MAP3K1: variants seen among roughly 807,000 people sequenced by gnomAD.
MAP3K1 encodes mitogen-activated protein kinase kinase kinase 1.
A neutral mutation model predicts 144.2 loss-of-function variants in MAP3K1; 36 were observed. The ratio of observed to expected loss-of-function variants is 0.25; its 90% CI spans 0.19 to 0.33. The LOEUF (loss-of-function observed/expected upper bound fraction) is 0.33, where lower values mean the gene tolerates loss of function less well. MAP3K1 is among the 10% of genes least tolerant of loss of function. The pLI is 1.00. For synonymous variants in MAP3K1, 718 were observed against 688.7 expected (o/e 1.04, Z -0.67); for missense variants, 1,650 against 1,881.9 (o/e 0.88, Z 2.28).
intron 1 of MAP3K1, among the ~76,000 whole-genome samples, chr5:56,829,589 G>T (rs760592422): frequency 2.6e-4 from 39 of 152,188 alleles, no homozygotes; most frequent in Non-Finnish European, 4.9e-4. Flanking sequence ...ATTCCTGGTA[G>T]TAAAGAATGC....
chr5:56,882,804 C>A lies in MAP3K1; in HGVS notation c.3604C>A (p.Leu1202Ile). Residue 1202 changes from leucine to isoleucine, a missense_variant, in exon 14 of 20, where the codon CTC becomes ATC. Transcript: ENST00000399503. ...GGCAATGTCAGCGTCTCAGGATGCC[C>A]TCCCCATAGTTCCTCAGCTGCAGGT... ...AMAMSASQDA[L>I]PIVPQLQVEN... 6.2e-7 allele frequency: 1 copy of A among 1,612,040 alleles called. No homozygotes were observed. Among genetic ancestry groups the A allele is most frequent in the Non-Finnish European group, 8.5e-7 (1 of 1,179,336 alleles).
intron 1 of MAP3K1, among the ~76,000 whole-genome samples, chr5:56,828,929 C>T (rs889949065): frequency 6.6e-6 from 1 of 151,902 alleles, no homozygotes; most frequent in African/African-American, 2.4e-5. Flanking sequence ...AATCATATTG[C>T]TTCCTAATTG....
chr5:56,887,322 A>G (rs1748407330), intron 17 of MAP3K1, 56 bp from the exon 18 acceptor site: 1 of 1,584,008 alleles, frequency 6.3e-7, no homozygotes, highest in Admixed American at 1.7e-5. Context: ...CTGGGCTTTT[A>G]TCTGTCCTTA....
At chr5:56,877,140 C>T (rs1748056710) in intron 10 of MAP3K1, among the ~76,000 whole-genome samples, 1 of 152,188 alleles carries the variant, frequency 6.6e-6, no homozygotes. Context: ...CATGTAGCAT[C>T]TGGAGGGACC....
At chr5:56,872,141 A>T (rs1747872154) in intron 7 of MAP3K1, 110 bp downstream of exon 7, 2 of 1,418,034 alleles carry the variant, frequency 1.4e-6, no homozygotes, top group Admixed American at 3.6e-5. Flanking sequence ...AGAGAATAAA[A>T]AAAGTATATC....
rs373704251 is a variant in MAP3K1 at position 56,823,195 on chromosome 5, C to T, written c.482+7140C>T. Among the ~76,000 whole-genome samples the T allele has an allele frequency of 2.6e-4, 40 of 152,286 alleles. No homozygotes were observed. The East Asian group carries it at 6.7e-3, about 26-fold the overall frequency. On this transcript the variant is annotated intron_variant, in intron 1 of 19. Transcript: ENST00000399503. ...TTAACATGCCTGACCGAGTCCCTGC[C>T]CGGTTGGGCCCCTGTCTGCTTCTCC... is the stretch of plus-strand genomic sequence containing the variant.
intron 1 of MAP3K1, among the ~76,000 whole-genome samples, chr5:56,852,810 C>A (rs1321105436): frequency 6.6e-6 from 1 of 152,094 alleles, no homozygotes. Context: ...TCACAGCTAT[C>A]TGTTTAGATT....
intron 17 of MAP3K1, among the ~76,000 whole-genome samples, chr5:56,887,042 C>T (rs975151148): frequency 2.0e-5 from 3 of 152,176 alleles, no homozygotes; most frequent in Admixed American, 6.6e-5. Context: ...AGATTACAGG[C>T]GTCAGCCACC....
chr5:56,833,607 TACA>T (rs1746562110), intron 1 of MAP3K1, among the ~76,000 whole-genome samples: 3 of 152,186 alleles, frequency 2.0e-5, no homozygotes, highest in African/African-American at 4.8e-5. Context: ...CGTGTGTCTT[TACA>T]ACAAGACACA....
intron 1 of MAP3K1, among the ~76,000 whole-genome samples, chr5:56,823,073 G>A (rs1377547883): frequency 6.6e-6 from 1 of 152,196 alleles, no homozygotes; most frequent in Non-Finnish European, 1.5e-5. Context: ...ATTTCCAAAT[G>A]TAAATCTGAT....
intron 1 of MAP3K1, among the ~76,000 whole-genome samples, chr5:56,846,643 T>C (rs991983374): frequency 3.9e-5 from 6 of 152,234 alleles, no homozygotes; most frequent in Admixed American, 1.3e-4. Context: ...TCTGCATGGC[T>C]ATATCTCCAT....
chr5:56,844,646 G>A (rs532531769), intron 1 of MAP3K1, among the ~76,000 whole-genome samples: 4 of 152,156 alleles, frequency 2.6e-5, no homozygotes, highest in East Asian at 1.9e-4. Flanking sequence ...CTCCACCTTC[G>A]CAACTGTTTA....
intron 3 of MAP3K1, 132 bp downstream of exon 3, chr5:56,860,047 G>GGGGGTGGT: frequency 1.2e-6 from 1 of 828,462 alleles, no homozygotes; most frequent in Non-Finnish European, 2.0e-6. Flanking sequence ...TGAGGATGGG[G>GGGGGTGGT]GGGGTGGTTC....
In MAP3K1 at chr5:56,856,566, T is replaced by G. The variant is rs761732962; in HGVS notation, c.483-34T>G. On this transcript the variant is annotated intron_variant, in intron 1 of 19. Coordinates refer to ENST00000399503, the MANE Select transcript of MAP3K1 (RefSeq NM_005921.2). ...TTGGAAATTATTTTTCATATATACA[T>G]TTCTCATTTTATTTGTTTCTGCCTG... 1.9e-6 allele frequency: 3 copies of G among 1,564,436 alleles called. No homozygotes were observed. In the South Asian group the frequency reaches 3.3e-5, roughly 17 times the overall value.
At chr5:56,854,193 G>C (rs1449663556) in intron 1 of MAP3K1, among the ~76,000 whole-genome samples, 1 of 152,008 alleles carries the variant, frequency 6.6e-6, no homozygotes, top group Non-Finnish European at 1.5e-5. Flanking sequence ...CAGCACTTTG[G>C]GAGGCCGAGG....
At chr5:56,881,530 A>C in intron 13 of MAP3K1, 40 bp from the exon 14 acceptor site, 4 of 1,469,290 alleles carry the variant, frequency 2.7e-6, no homozygotes, top group Non-Finnish European at 3.8e-6. Context: ...ATTTTTCAGT[A>C]ATTGGAACTT....
In MAP3K1 at chr5:56,882,373, A is replaced by C. The variant is rs1244452250; in HGVS notation, c.3173A>C (p.His1058Pro). ...AGACCCTTGCCCTCCAGTAACATAC[A>C]CAGGCCAAAGCCATCTAGACCTACC... ...QSRPLPSSNI[H>P]RPKPSRPTPG... The change falls in exon 14 of 20, where the codon CAC (histidine) becomes CCC (proline). Residue 1058 changes from histidine to proline, a missense_variant. Around this residue, in one of 6 missense-constraint regions of MAP3K1, gnomAD observed 841 missense variants for 886.5 expected, o/e 0.95. Coordinates refer to ENST00000399503, the MANE Select transcript of MAP3K1 (RefSeq NM_005921.2). 6.2e-7 allele frequency: 1 copy of C among 1,614,052 alleles called. No individual in the cohort carries two copies. The highest frequency in any genetic ancestry group is 8.5e-7 in the Non-Finnish European group (1 of 1,180,034).
rs1236479773 is a variant in MAP3K1 at position 56,816,967 on chromosome 5, C to G, written c.482+912C>G. On this transcript the variant is annotated intron_variant, in intron 1 of 19. Coordinates refer to ENST00000399503, the MANE Select transcript of MAP3K1 (RefSeq NM_005921.2). The stretch of plus-strand genomic sequence containing the variant: ...CAGTGGTGACTGCTCCCCGCAGCCC[C>G]TCCGGCTTGGCCCGGGGACTGCGGC... The G allele has an allele frequency of 6.9e-5, 38 of 549,858 alleles. 1 individual carries two copies. The highest frequency in any genetic ancestry group is 4.7e-4 in the South Asian group (6 of 12,720). The allele number at this position is 549,858 out of a possible 1,614,324, so 34.1% of individuals were successfully genotyped here.
At chr5:56,860,929 A>G (rs1747489672) in intron 3 of MAP3K1, among the ~76,000 whole-genome samples, 1 of 152,194 alleles carries the variant, frequency 6.6e-6, no homozygotes, top group Admixed American at 6.5e-5. Context: ...CGAAACAAAA[A>G]TTAGAATTTT....
Sources: allele counts gnomAD v4.1 joint callset (sites outside exome capture counted in the v4.1 genomes callset), GRCh38; gene constraint gnomAD v4.1.1; regional missense constraint gnomAD v4.1.1; transcripts MANE v1.5; gene names NCBI Gene and HGNC (gene_info 2026-07-23, HGNC 2026-07-21).